PPP2R2D: variants seen among roughly 807,000 people sequenced by gnomAD.
The protein encoded by PPP2R2D is protein phosphatase 2 regulatory subunit Bdelta.
PPP2R2D carries 9 observed loss-of-function variants against 31.1 expected under a neutral mutation model. That is an observed-to-expected ratio of 0.29 (90% CI 0.17 to 0.51). The LOEUF (loss-of-function observed/expected upper bound fraction) is 0.51, where lower values mean the gene tolerates loss of function less well. Among genes scored for constraint, PPP2R2D ranks in the 20% least tolerant of loss-of-function variants. The probability of loss-of-function intolerance (pLI) is 0.98; values close to 1 mark genes in which losing one functional copy is unlikely to be tolerated. For synonymous variants in PPP2R2D, 179 were observed against 172.6 expected, an observed-to-expected ratio of 1.04 and a Z score of -0.29; for missense variants, 391 against 465.6, an observed-to-expected ratio of 0.84 and a Z score of 1.48.
the PPP2R2D span, chr10:131,968,430 C>T: frequency 2.0e-5 from 20 of 1,011,262 alleles, no homozygotes; most frequent in South Asian, 1.6e-4. Context: ...ACACAAGTGA[C>T]GTGGCCACCC....
chr10:131,906,578 A>G (rs957783938), intron 2 of PPP2R2D, among the ~76,000 whole-genome samples: 355 of 152,210 alleles, frequency 2.3e-3, no homozygotes, highest in African/African-American at 7.9e-3. Context: ...AAAGGTAACA[A>G]AAATTAAGTT....
At chr10:131,949,758 CGTG>C (rs1457805788) in intron 8 of PPP2R2D, among the ~76,000 whole-genome samples, 7 of 149,642 alleles carry the variant, frequency 4.7e-5, no homozygotes, top group African/African-American at 1.7e-4. Context: ...CCAAACATGA[CGTG>C]GAGACTGGAA....
chr10:131,967,046 A>G, the PPP2R2D span: 2 of 151,974 alleles, frequency 1.3e-5, no homozygotes, highest in Admixed American at 6.6e-5. Flanking sequence ...GCGCCCAGCT[A>G]ATTTTTGCAT....
At chr10:131,944,166 A>G in intron 6 of PPP2R2D, 21 bp downstream of exon 6, 1 of 1,594,522 alleles carries the variant, frequency 6.3e-7, no homozygotes, top group Non-Finnish European at 8.5e-7. Context: ...TCAGAGGGAC[A>G]CTGGCGTCTT....
intron 2 of PPP2R2D, chr10:131,911,681 G>A (rs2035685822): frequency 6.6e-6 from 1 of 152,232 alleles, no homozygotes. Flanking sequence ...GGCAGATGAT[G>A]TACAAGGATT....
At chr10:131,948,803 C>A (rs1257411399) in intron 8 of PPP2R2D, among the ~76,000 whole-genome samples, 2 of 152,194 alleles carry the variant, frequency 1.3e-5, no homozygotes, top group African/African-American at 4.8e-5. Flanking sequence ...TTTTCAAGAG[C>A]TGAAGCCTTG....
intron 2 of PPP2R2D, among the ~76,000 whole-genome samples, chr10:131,919,646 G>A (rs2035924461): frequency 7.5e-6 from 1 of 132,994 alleles, no homozygotes; most frequent in African/African-American, 2.8e-5. Context: ...ACCTCAGGCG[G>A]GTAGGATGAC....
intron 2 of PPP2R2D, among the ~76,000 whole-genome samples, chr10:131,919,838 C>A (rs2035932502): frequency 7.7e-6 from 1 of 130,442 alleles, no homozygotes; most frequent in South Asian, 2.5e-4. Flanking sequence ...TTGTAGGGAC[C>A]TCAGGTGGGT....
At chr10:131,916,286 G>C (rs1365676613) in intron 2 of PPP2R2D, among the ~76,000 whole-genome samples, 3 of 151,646 alleles carry the variant, frequency 2.0e-5, no homozygotes, top group African/African-American at 7.3e-5. Flanking sequence ...TGTTTCACTT[G>C]ACCTACAGAG....
chr10:131,927,280 TC>T (rs1336747180), intron 2 of PPP2R2D, among the ~76,000 whole-genome samples: 21 of 151,386 alleles, frequency 1.4e-4, no homozygotes, highest in Admixed American at 1.4e-3. Context: ...GGAGAAACTC[TC>T]CCCCCGGGGA....
intron 2 of PPP2R2D, among the ~76,000 whole-genome samples, chr10:131,917,301 G>T (rs1554893318): frequency 1.5e-5 from 2 of 137,298 alleles, no homozygotes; most frequent in African/African-American, 5.5e-5. Context: ...GGGACCTCAG[G>T]CAGGTGGAAT....
intron 2 of PPP2R2D, among the ~76,000 whole-genome samples, chr10:131,928,642 G>T (rs936752186): frequency 6.6e-6 from 1 of 152,250 alleles, no homozygotes; most frequent in Non-Finnish European, 1.5e-5. Context: ...CTTGAAGGCT[G>T]CGGCAACCCT....
chr10:131,963,960 C>T (rs2036951125), downstream of PPP2R2D, among the ~76,000 whole-genome samples: 2 of 152,174 alleles, frequency 1.3e-5, no homozygotes, highest in South Asian at 2.1e-4. Context: ...CCTCCCAAAG[C>T]GCCCACGTTG....
At chr10:131,961,960 G>A (rs1554901527), downstream of PPP2R2D, among the ~76,000 whole-genome samples, 10 of 152,176 alleles carry the variant, frequency 6.6e-5, no homozygotes. Flanking sequence ...CCCTGTGCCA[G>A]TCAGAACCCG....
chr10:131,914,220 T>G (rs1487127260), intron 2 of PPP2R2D, among the ~76,000 whole-genome samples: 2 of 152,186 alleles, frequency 1.3e-5, no homozygotes, highest in East Asian at 3.8e-4. Context: ...AGCAAAGATA[T>G]GACCGGCCTC....
intron 2 of PPP2R2D, among the ~76,000 whole-genome samples, chr10:131,926,974 G>T (rs1554895020): frequency 6.6e-6 from 1 of 152,234 alleles, no homozygotes; most frequent in African/African-American, 2.4e-5. Context: ...GTTCATGAAG[G>T]ACTGGGAGGA....
chr10:131,942,906 G>A (rs2036466088), intron 5 of PPP2R2D, among the ~76,000 whole-genome samples: 1 of 151,986 alleles, frequency 6.6e-6, no homozygotes, highest in Non-Finnish European at 1.5e-5. Context: ...AGCACTACCT[G>A]GGTTAAAATG....
At chr10:131,923,256 G>A (rs868938930) in intron 2 of PPP2R2D, among the ~76,000 whole-genome samples, 14 of 152,218 alleles carry the variant, frequency 9.2e-5, no homozygotes, top group Middle Eastern at 6.8e-3. Flanking sequence ...TCTGCTCCCC[G>A]GCTGCTTCTC....
At chr10:131,963,302 C>A (rs191187219), downstream of PPP2R2D, among the ~76,000 whole-genome samples, 1 of 152,342 alleles carries the variant, frequency 6.6e-6, no homozygotes, top group East Asian at 1.9e-4. Flanking sequence ...CTGGTTCTTA[C>A]TAGAAGTGTT....
Sources: gnomAD v4.1 joint callset for allele counts (sites outside exome capture counted in the v4.1 genomes callset) on GRCh38, gnomAD v4.1.1 for gene constraint, MANE v1.5 for transcripts, NCBI Gene and HGNC (gene_info 2026-07-23, HGNC 2026-07-21) for gene names.